USP37: variants seen among roughly 807,000 people sequenced by gnomAD.
USP37 encodes ubiquitin specific peptidase 37.
In USP37, 27 loss-of-function variants were observed where a neutral mutation model predicts 124.0. The ratio of observed to expected loss-of-function variants is 0.22; its 90% CI spans 0.16 to 0.30. The LOEUF (loss-of-function observed/expected upper bound fraction) is 0.30. Among genes scored for constraint, USP37 ranks in the 10% least tolerant of loss-of-function variants. The probability of loss-of-function intolerance (pLI) is 1.00; values close to 1 mark genes in which losing one functional copy is unlikely to be tolerated. For synonymous variants in USP37, 365 were observed against 388.0 expected (o/e 0.94, Z 0.70); for missense variants, 889 against 1,140.4 (o/e 0.78, Z 3.17).
intron 10 of USP37, 125 bp from the exon 11 acceptor site, chr2:218,510,265 TA>T: frequency 1.0e-6 from 1 of 998,110 alleles, no homozygotes; most frequent in Admixed American, 2.9e-5. Flanking sequence ...ATATCAGTAA[TA>T]ATGATCACTT....
chr2:218,555,338 A>G, intron 4 of USP37, among the ~76,000 whole-genome samples: 1 of 152,226 alleles, frequency 6.6e-6, no homozygotes, highest in East Asian at 1.9e-4. Flanking sequence ...ATTAGATAAG[A>G]ATGAAAAACA....
chr2:218,546,110 T>C (rs752673051), intron 8 of USP37, 111 bp downstream of exon 8: 12 of 877,986 alleles, frequency 1.4e-5, no homozygotes, highest in Admixed American at 2.8e-5. Flanking sequence ...TGCTCTTCCA[T>C]CTTTGGAATT....
rs182032395 is a variant in USP37 at position 218,507,779 on chromosome 2, C to G, written c.1025+2200G>C. Reference sequence around the variant, plus strand: ...TAATTTTCTTCTCTTGCTTCTAAATCAAGTTTCCAGACTTGGCTAATTCTT... The same window carrying G: ...TAATTTTCTTCTCTTGCTTCTAAATGAAGTTTCCAGACTTGGCTAATTCTT... On this transcript the variant is annotated intron_variant, in intron 11 of 25. Coordinates refer to ENST00000258399, the MANE Select transcript of USP37 (RefSeq NM_020935.3). 2.9e-3 allele frequency among the ~76,000 whole-genome samples: 447 copies of G among 152,264 alleles called. 3 individuals are homozygous for G. Among genetic ancestry groups the G allele is most frequent in the Middle Eastern group, 0.014 (4 of 294 alleles).
At chr2:218,469,410 T>C (rs1690547373) in intron 20 of USP37, among the ~76,000 whole-genome samples, 1 of 152,160 alleles carries the variant, frequency 6.6e-6, no homozygotes, top group Non-Finnish European at 1.5e-5. Flanking sequence ...AACTGAGATA[T>C]ACAAAGTTAG....
intron 1 of USP37, among the ~76,000 whole-genome samples, chr2:218,565,452 G>A (rs1444789794): frequency 6.6e-6 from 1 of 152,180 alleles, no homozygotes; most frequent in African/African-American, 2.4e-5. Context: ...CTGACCTAAA[G>A]TTTATCTCCA....
chr2:218,502,001 CAG>C (rs1156433858), intron 11 of USP37, among the ~76,000 whole-genome samples: 1 of 151,982 alleles, frequency 6.6e-6, no homozygotes, highest in African/African-American at 2.4e-5. Flanking sequence ...GATGAATTCA[CAG>C]AGTGTTAACA....
At chr2:218,496,120 G>A (rs918682732) in intron 13 of USP37, among the ~76,000 whole-genome samples, 170 bp from the exon 14 acceptor site, 2 of 151,978 alleles carry the variant, frequency 1.3e-5, no homozygotes, top group Non-Finnish European at 2.9e-5. Context: ...ATGGTGAAAT[G>A]CCATCTTTAT....
Position 218,568,285 on chromosome 2 carries a change from G to C in USP37, c.-337C>G, listed in dbSNP as rs553600796. On this transcript the variant is annotated 5_prime_UTR_variant, in exon 1 of 26. Transcript: ENST00000258399. The stretch of plus-strand genomic sequence containing the variant: ...AAGTAGGGATACCGAACCCAAAGGA[G>C]GGAGGCCGCTAGCTACCCCTAGTCA... 6.6e-6 allele frequency: 1 copy of C among 152,622 alleles called. No homozygotes were observed. Among genetic ancestry groups the C allele is most frequent in the Non-Finnish European group, 1.5e-5 (1 of 68,188 alleles). 9.5% of individuals were successfully genotyped at this position (152,622 alleles called of 1,614,324 possible). A position where few individuals can be genotyped will look rare whatever the true frequency, so the allele number is the denominator to read the frequency against.
chr2:218,503,029 G>A (rs187231542), intron 11 of USP37, among the ~76,000 whole-genome samples: 4 of 152,262 alleles, frequency 2.6e-5, no homozygotes, highest in East Asian at 1.9e-4. Context: ...ACATTATCAC[G>A]TTAGAGTTCT....
intron 20 of USP37, among the ~76,000 whole-genome samples, chr2:218,468,491 G>A (rs1326848656): frequency 6.6e-6 from 1 of 152,026 alleles, no homozygotes; most frequent in Non-Finnish European, 1.5e-5. Context: ...TCAAAGTGCT[G>A]GGATTACAGG....
intron 20 of USP37, among the ~76,000 whole-genome samples, chr2:218,467,882 G>GTTT (rs950614019): frequency 2.1e-4 from 31 of 147,816 alleles, no homozygotes; most frequent in African/African-American, 7.9e-4. Context: ...AACATTTCAT[G>GTTT]TTTTTTTTGT....
At chr2:218,532,421 C>T (rs1691377667) in intron 9 of USP37, among the ~76,000 whole-genome samples, 1 of 145,750 alleles carries the variant, frequency 6.9e-6, no homozygotes, top group South Asian at 2.1e-4. Context: ...AGCCGAGGAT[C>T]GTGCCACTGC....
At chr2:218,467,039 C>T (rs570435580) in intron 20 of USP37, among the ~76,000 whole-genome samples, 1 of 152,110 alleles carries the variant, frequency 6.6e-6, no homozygotes, top group South Asian at 2.1e-4. Flanking sequence ...CCGATTTTCC[C>T]CATTTATTAC....
chr2:218,498,325 A>G (rs1689180736), intron 11 of USP37, 168 bp from the exon 12 acceptor site: 1 of 548,478 alleles, frequency 1.8e-6, no homozygotes, highest in Non-Finnish European at 2.8e-6. Flanking sequence ...TTTGGACACA[A>G]ATGTGTCCAA....
At chr2:218,542,093 G>A (rs71415843) in intron 8 of USP37, among the ~76,000 whole-genome samples, 6,199 of 152,178 alleles carry the variant, frequency 0.041, 169 homozygotes, top group East Asian at 0.12. Context: ...AGATCAAGAC[G>A]AAGCCTATTC....
intron 18 of USP37, among the ~76,000 whole-genome samples, chr2:218,477,740 T>C (rs921233364): frequency 1.3e-5 from 2 of 152,258 alleles, no homozygotes; most frequent in Non-Finnish European, 2.9e-5. Context: ...TCTAAGTCAT[T>C]AAGATATACT....
intron 10 of USP37, among the ~76,000 whole-genome samples, chr2:218,513,921 C>T (rs1419810312): frequency 6.6e-6 from 1 of 152,124 alleles, no homozygotes; most frequent in Non-Finnish European, 1.5e-5. Flanking sequence ...GAGATCCTCC[C>T]ATCTCAGCCT....
intron 11 of USP37, among the ~76,000 whole-genome samples, chr2:218,502,208 C>T (rs577237822): frequency 2.7e-4 from 41 of 152,148 alleles, no homozygotes; most frequent in African/African-American, 9.9e-4. Context: ...AAAACAACTA[C>T]TTAAAATATG....
chr2:218,501,094 A>C (rs1236459780), intron 11 of USP37: 2 of 149,138 alleles, frequency 1.3e-5, no homozygotes, highest in Non-Finnish European at 3.0e-5. Flanking sequence ...GCTGGAGCAC[A>C]GTGGCACAAT....
Sources: allele counts gnomAD v4.1 joint callset (sites outside exome capture counted in the v4.1 genomes callset), GRCh38; gene constraint gnomAD v4.1.1; transcripts MANE v1.5; gene names NCBI Gene and HGNC (gene_info 2026-07-23, HGNC 2026-07-21).